The following MDGA2 variants were observed in gnomAD, a reference collection of about 807,000 sequenced individuals.
The protein encoded by MDGA2 is MAM domain containing glycosylphosphatidylinositol anchor 2, also known as MAM domain-containing glycosylphosphatidylinositol anchor protein 2.
A neutral mutation model predicts 117.8 loss-of-function variants in MDGA2; 40 were observed. The observed-to-expected ratio is 0.34, with a 90% CI of 0.26 to 0.44. The LOEUF (loss-of-function observed/expected upper bound fraction) is 0.44, where lower values mean the gene tolerates loss of function less well. Ranked by LOEUF, MDGA2 falls within the 20% of genes least tolerant of loss-of-function variation. MDGA2 has a pLI of 1.00. For synonymous variants in MDGA2, 452 were observed against 439.0 expected (o/e 1.03, Z -0.37); for missense variants, 1,123 against 1,250.6 (o/e 0.90, Z 1.54).
chr14:46,994,508 CAT>C (rs1461517876), intron 8 of MDGA2, among the ~76,000 whole-genome samples: 11 of 50,702 alleles, frequency 2.2e-4, no homozygotes, highest in Non-Finnish European at 3.8e-4. Flanking sequence ...AACATGCACA[CAT>C]ACAAACACAC....
At chr14:47,275,140 C>T (rs1196263250) in intron 2 of MDGA2, among the ~76,000 whole-genome samples, 17 of 152,130 alleles carry the variant, frequency 1.1e-4, no homozygotes, top group Non-Finnish European at 1.6e-4. Flanking sequence ...ATCACCTCAG[C>T]TTAGGTTTGA....
chr14:47,347,855 G>C (rs1053559679), intron 1 of MDGA2, among the ~76,000 whole-genome samples: 2 of 152,034 alleles, frequency 1.3e-5, no homozygotes, highest in African/African-American at 4.8e-5. Flanking sequence ...CTGACATATT[G>C]GTATATAATG....
chr14:47,522,610 G>A (rs1894893551), intron 1 of MDGA2, among the ~76,000 whole-genome samples: 1 of 65,910 alleles, frequency 1.5e-5, no homozygotes, highest in Non-Finnish European at 3.3e-5. Flanking sequence ...AATTTTAACA[G>A]TTATACAAGG....
chr14:47,325,292 C>T (rs1306942827), intron 1 of MDGA2, among the ~76,000 whole-genome samples: 1 of 152,080 alleles, frequency 6.6e-6, no homozygotes, highest in Admixed American at 6.6e-5. Flanking sequence ...CCATTTATCC[C>T]ATAGGAGATA....
intron 7 of MDGA2, among the ~76,000 whole-genome samples, chr14:47,037,821 T>TA (rs1381201181): frequency 6.6e-6 from 1 of 152,194 alleles, no homozygotes; most frequent in Non-Finnish European, 1.5e-5. Context: ...TGTATAACTT[T>TA]AAAGACTAAT....
chr14:47,606,906 G>A (rs1896753301), intron 1 of MDGA2, among the ~76,000 whole-genome samples: 1 of 152,068 alleles, frequency 6.6e-6, no homozygotes, highest in African/African-American at 2.4e-5. Flanking sequence ...TACAAAAAAT[G>A]TCCTGTATAG....
chr14:46,876,364 A>G (rs1336753202), intron 12 of MDGA2, among the ~76,000 whole-genome samples: 1 of 151,640 alleles, frequency 6.6e-6, no homozygotes, highest in African/African-American at 2.4e-5. Flanking sequence ...TATTCATTTA[A>G]AAAGTTTATT....
intron 3 of MDGA2, among the ~76,000 whole-genome samples, chr14:47,162,811 C>A (rs997556180): frequency 6.6e-6 from 1 of 151,750 alleles, no homozygotes; most frequent in African/African-American, 2.4e-5. Flanking sequence ...TGTCCTAGGC[C>A]ACTAATTTGA....
At chr14:47,073,385 G>A (rs909726840) in intron 6 of MDGA2, among the ~76,000 whole-genome samples, 1 of 152,162 alleles carries the variant, frequency 6.6e-6, no homozygotes, top group Non-Finnish European at 1.5e-5. Context: ...GCTCTATAGA[G>A]CCTCAATCTC....
At chr14:47,512,641 A>G in intron 1 of MDGA2, among the ~76,000 whole-genome samples, 2 of 152,274 alleles carry the variant, frequency 1.3e-5, no homozygotes, top group Middle Eastern at 6.8e-3. Flanking sequence ...TACTAATTTA[A>G]ATCCACAGTT....
intron 5 of MDGA2, among the ~76,000 whole-genome samples, chr14:47,102,163 C>A (rs928460654): frequency 2.0e-5 from 3 of 152,024 alleles, no homozygotes; most frequent in Non-Finnish European, 4.4e-5. Context: ...ACATCTGGAG[C>A]ATTTAATTAT....
intron 10 of MDGA2, among the ~76,000 whole-genome samples, chr14:46,891,288 ACT>A (rs1288016498): frequency 6.6e-6 from 1 of 151,818 alleles, no homozygotes; most frequent in Non-Finnish European, 1.5e-5. Context: ...GTGTAGAATT[ACT>A]GTTTCTAAAT....
At chr14:47,233,564 T>C (rs763783686) in intron 2 of MDGA2, among the ~76,000 whole-genome samples, 2 of 152,102 alleles carry the variant, frequency 1.3e-5, no homozygotes, top group Non-Finnish European at 2.9e-5. Context: ...TCATGTGATA[T>C]GTAGTATGAG....
chr14:47,582,401 G>T (rs905838797), intron 1 of MDGA2, among the ~76,000 whole-genome samples: 99 of 151,948 alleles, frequency 6.5e-4, no homozygotes, highest in African/African-American at 2.4e-3. Flanking sequence ...ACATGTGGCT[G>T]AATCTGATAT....
At chr14:46,851,475 A>T (rs1309953526) in intron 15 of MDGA2, among the ~76,000 whole-genome samples, 2 of 151,884 alleles carry the variant, frequency 1.3e-5, no homozygotes, top group Non-Finnish European at 2.9e-5. Flanking sequence ...ACCCAACATA[A>T]ATTTCAATAG....
At chr14:47,016,962 CTTA>C (rs1309771446) in intron 8 of MDGA2, among the ~76,000 whole-genome samples, 2 of 151,512 alleles carry the variant, frequency 1.3e-5, no homozygotes, top group Non-Finnish European at 3.0e-5. Context: ...CATATTCTAT[CTTA>C]TTTTCTGTTT....
chr14:47,025,710 C>CA (rs11454541), intron 8 of MDGA2, among the ~76,000 whole-genome samples: 73,210 of 141,646 alleles, frequency 0.52, 18,502 homozygotes, highest in East Asian at 0.78. Context: ...TTCTCCACCA[C>CA]AAAAAAAAAA....
chr14:47,574,894 T>C (rs1850454413), intron 1 of MDGA2, among the ~76,000 whole-genome samples: 4 of 152,162 alleles, frequency 2.6e-5, no homozygotes, highest in Admixed American at 6.5e-5. Flanking sequence ...TGCTCCTCAC[T>C]GCTCTATTCC....
intron 1 of MDGA2, among the ~76,000 whole-genome samples, chr14:47,345,058 A>AT (rs948381254): frequency 7.2e-5 from 11 of 152,108 alleles, no homozygotes; most frequent in African/African-American, 2.2e-4. Context: ...AAATGTCTAC[A>AT]TTTTTTTTCT....
Sources: gnomAD v4.1 joint callset for allele counts (sites outside exome capture counted in the v4.1 genomes callset) on GRCh38, gnomAD v4.1.1 for gene constraint, MANE v1.5 for transcripts, NCBI Gene and HGNC (gene_info 2026-07-23, HGNC 2026-07-21) for gene names.